CHCHD6: variants seen among roughly 807,000 people sequenced by gnomAD.
The protein encoded by CHCHD6 is coiled-coil-helix-coiled-coil-helix domain containing 6.
A neutral mutation model predicts 32.3 loss-of-function variants in CHCHD6; 28 were observed. The ratio of observed to expected loss-of-function variants is 0.87; its 90% confidence interval spans 0.64 to 1.19. CHCHD6 has a LOEUF of 1.19. CHCHD6 is among the 50% of genes most tolerant of loss of function. The pLI, the probability that CHCHD6 is intolerant of heterozygous loss-of-function variation, is 0.00. For missense variants in CHCHD6, 333 were observed against 307.0 expected, an observed-to-expected ratio of 1.08 and a Z score of -0.63; for synonymous variants, 122 against 117.5, an observed-to-expected ratio of 1.04 and a Z score of -0.25.
intron 6 of CHCHD6, among the ~76,000 whole-genome samples, chr3:126,924,038 G>C (rs956418697): frequency 6.6e-6 from 1 of 152,214 alleles, no homozygotes; most frequent in Non-Finnish European, 1.5e-5. Flanking sequence ...CTGATTCTGA[G>C]TGTGGAAATC....
chr3:126,709,875 A>G (rs553557275), intron 1 of CHCHD6, among the ~76,000 whole-genome samples: 1 of 152,276 alleles, frequency 6.6e-6, no homozygotes, highest in South Asian at 2.1e-4. Context: ...CTTTGTGCAT[A>G]GTAGGTGTGT....
chr3:126,897,566 C>G (rs1189640411), intron 5 of CHCHD6, among the ~76,000 whole-genome samples: 1 of 152,156 alleles, frequency 6.6e-6, no homozygotes, highest in Non-Finnish European at 1.5e-5. Flanking sequence ...TCAGACAGAC[C>G]TGGGTTTAAA....
chr3:126,899,832 A>G (rs1418099273), intron 5 of CHCHD6, among the ~76,000 whole-genome samples: 2 of 152,202 alleles, frequency 1.3e-5, no homozygotes, highest in African/African-American at 4.8e-5. Context: ...CAGAGCCAGG[A>G]GATGGAAATC....
intron 4 of CHCHD6, among the ~76,000 whole-genome samples, chr3:126,840,278 T>G (rs968884115): frequency 6.6e-6 from 1 of 152,056 alleles, no homozygotes; most frequent in Non-Finnish European, 1.5e-5. Flanking sequence ...AGAGTTTCTT[T>G]TAGGGGTGAC....
chr3:126,737,118 C>T lies in CHCHD6; in HGVS notation c.411+3896C>T, dbSNP rs186524091. On this transcript the variant is annotated intron_variant, in intron 4 of 7. Coordinates refer to ENST00000290913, the MANE Select transcript of CHCHD6 (RefSeq NM_032343.3). ...GGTGGATCACTTGAGGTCAGGAGTT[C>T]GAGACCAGCCTGACCAACATGGTGA... 7.5e-3 allele frequency among the ~76,000 whole-genome samples: 1,134 copies of T among 151,942 alleles called. 5 individuals carry two copies. Among genetic ancestry groups the T allele is most frequent in the Non-Finnish European group, 0.011 (778 of 67,978 alleles).
At chr3:126,732,890 C>T (rs1935872798) in intron 3 of CHCHD6, among the ~76,000 whole-genome samples, 188 bp from the exon 4 acceptor site, 2 of 152,166 alleles carry the variant, frequency 1.3e-5, no homozygotes, top group African/African-American at 4.8e-5. Flanking sequence ...GGAGCTGTCA[C>T]TGATGCCTGA....
intron 5 of CHCHD6, chr3:126,865,494 G>A (rs535467523): frequency 8.4e-5 from 73 of 870,236 alleles, no homozygotes; most frequent in Middle Eastern, 6.0e-4. Context: ...CACCAACTTC[G>A]CCTTCACCAC....
chr3:126,727,352 G>A (rs1935583486), intron 2 of CHCHD6, among the ~76,000 whole-genome samples, 166 bp downstream of exon 2: 1 of 152,230 alleles, frequency 6.6e-6, no homozygotes, highest in African/African-American at 2.4e-5. Flanking sequence ...CTTTCTGGGA[G>A]TGATGGGGCT....
At chr3:126,935,499 TG>T (rs1203746511) in intron 6 of CHCHD6, among the ~76,000 whole-genome samples, 6 of 152,226 alleles carry the variant, frequency 3.9e-5, no homozygotes, top group Admixed American at 2.0e-4. Context: ...AGAAAAGTTC[TG>T]GGGCTGGTGA....
chr3:126,890,109 CG>C (rs1230655675), intron 5 of CHCHD6, among the ~76,000 whole-genome samples: 9 of 152,222 alleles, frequency 5.9e-5, no homozygotes, highest in African/African-American at 2.2e-4. Flanking sequence ...AGCTCACTGT[CG>C]GGGCCTTCCT....
chr3:126,919,365 G>A (rs1481826338), intron 6 of CHCHD6, among the ~76,000 whole-genome samples: 2 of 140,592 alleles, frequency 1.4e-5, no homozygotes, highest in Non-Finnish European at 3.0e-5. Flanking sequence ...CCAGGCTGCA[G>A]TACAGTAACA....
chr3:126,955,982 C>T (rs2078778207), intron 6 of CHCHD6, among the ~76,000 whole-genome samples: 1 of 152,188 alleles, frequency 6.6e-6, no homozygotes, highest in Non-Finnish European at 1.5e-5. Context: ...ACAGAAGTGT[C>T]CACCCGCAGA....
chr3:126,721,087 C>T (rs555187715), intron 1 of CHCHD6, among the ~76,000 whole-genome samples: 15 of 152,334 alleles, frequency 9.8e-5, no homozygotes, highest in Admixed American at 9.8e-4. Flanking sequence ...AACTCCTTTT[C>T]TTCAACTCTG....
At chr3:126,726,106 G>A (rs752046435) in intron 1 of CHCHD6, among the ~76,000 whole-genome samples, 2 of 152,138 alleles carry the variant, frequency 1.3e-5, no homozygotes, top group East Asian at 1.9e-4. Flanking sequence ...CTTAGCTTTC[G>A]ACATGCCTTC....
intron 5 of CHCHD6, among the ~76,000 whole-genome samples, chr3:126,907,500 G>A (rs2078023775): frequency 6.7e-6 from 1 of 149,296 alleles, no homozygotes; most frequent in African/African-American, 2.4e-5. Flanking sequence ...ACTTATTTGT[G>A]GTTTTTACTA....
chr3:126,819,259 G>A (rs137938447), intron 4 of CHCHD6, among the ~76,000 whole-genome samples: 19 of 152,306 alleles, frequency 1.2e-4, no homozygotes, highest in Non-Finnish European at 2.2e-4. Flanking sequence ...CCACCCAGGA[G>A]TGCACAGCCG....
At chr3:126,790,596 T>G (rs1938480724) in intron 4 of CHCHD6, among the ~76,000 whole-genome samples, 1 of 152,236 alleles carries the variant, frequency 6.6e-6, no homozygotes, top group African/African-American at 2.4e-5. Context: ...TTGATACCCT[T>G]TCTTCCAGCT....
intron 4 of CHCHD6, among the ~76,000 whole-genome samples, chr3:126,758,913 G>GCC (rs1392785925): frequency 2.6e-5 from 4 of 152,298 alleles, no homozygotes; most frequent in African/African-American, 9.6e-5. Flanking sequence ...GTTCAATAAA[G>GCC]AGTAAATGGT....
At chr3:126,868,688 T>C (rs1455205490) in intron 5 of CHCHD6, among the ~76,000 whole-genome samples, 1 of 152,206 alleles carries the variant, frequency 6.6e-6, no homozygotes, top group African/African-American at 2.4e-5. Context: ...TTGGTAACCT[T>C]TTTAGAACAC....
Sources: gnomAD v4.1 joint callset for allele counts (sites outside exome capture counted in the v4.1 genomes callset) on GRCh38, gnomAD v4.1.1 for gene constraint, MANE v1.5 for transcripts, NCBI Gene and HGNC (gene_info 2026-07-23, HGNC 2026-07-21) for gene names.